Variants in ANKRD46 observed in about 807,000 individuals in gnomAD.
ANKRD46 encodes ankyrin repeat domain 46.
ANKRD46 carries 13 observed loss-of-function variants against 19.8 expected under a neutral mutation model. That is an observed-to-expected ratio of 0.66 (90% CI 0.43 to 1.04). The LOEUF is 1.04. Among genes scored for constraint, ANKRD46 ranks in the 50% least tolerant of loss-of-function variants. The probability of loss-of-function intolerance (pLI) is 0.00; values close to 1 mark genes in which losing one functional copy is unlikely to be tolerated. For missense variants in ANKRD46, 185 were observed against 274.8 expected (o/e 0.67, Z 2.31); for synonymous variants, 91 against 106.9 (o/e 0.85, Z 0.92).
rs1812005432 is a variant in ANKRD46 at position 100,533,558 on chromosome 8, A to G, written c.-130-247T>C. 7.2e-5 allele frequency among the ~76,000 whole-genome samples: 11 copies of G among 152,342 alleles called. No individual in the cohort carries two copies. The South Asian group carries it at 2.3e-3, about 32-fold the overall frequency. On this transcript the variant is annotated intron_variant, in intron 1 of 4. Transcript: ENST00000335659. ...GAAAGCAAGACAGAAAGATAAAAGA[A>G]TAAGAATCAAATTATGTGCCATCAC... is the stretch of plus-strand genomic sequence containing the variant.
At position 100,557,665 on chromosome 8, in the gene ANKRD46, C is replaced by T. The variant is rs193165340; in HGVS notation, c.-131+2046G>A. Reference sequence around the variant, plus strand: ...TGACCTTGTCTCACCCTCCTTCCCTCCAGGTGCTCAAATCTACTGGCCTCC... The same window carrying T: ...TGACCTTGTCTCACCCTCCTTCCCTTCAGGTGCTCAAATCTACTGGCCTCC... On this transcript the variant is annotated intron_variant, in intron 1 of 4. Transcript: ENST00000335659. This position sits in a 1 kb window ranked among gnomAD's most constrained non-coding sequence, Gnocchi z 5.9. Among the ~76,000 whole-genome samples the T allele has an allele frequency of 5.8e-4, 89 of 152,300 alleles. 1 individual carries two copies. Among genetic ancestry groups the T allele is most frequent in the Admixed American group, 2.6e-3 (40 of 15,296 alleles).
intron 5 of ANKRD46, among the ~76,000 whole-genome samples, chr8:100,515,219 G>A (rs1205400851): frequency 6.6e-6 from 1 of 152,134 alleles, no homozygotes; most frequent in African/African-American, 2.4e-5. Flanking sequence ...CGGACAATGA[G>A]CTTGAATATA....
At chr8:100,520,741 T>TAAAA (rs5893523), downstream of ANKRD46, 1,954 of 717,634 alleles carry the variant, frequency 2.7e-3, 2 homozygotes, top group African/African-American at 3.5e-3. Context: ...TATAATACAC[T>TAAAA]AAAAAAAAAA....
At position 100,527,992 on chromosome 8, in the gene ANKRD46, C is replaced by A. The variant is rs1811875787; in HGVS notation, c.323G>T (p.Gly108Val). The A allele has an allele frequency of 1.3e-6, 2 of 1,502,980 alleles. No individual in the cohort carries two copies. Among genetic ancestry groups the A allele is most frequent in the African/African-American group, 1.5e-5 (1 of 68,172 alleles). 93.1% of individuals were successfully genotyped at this position (1,502,980 alleles called of 1,614,324 possible). ...GLKIDICNHQGATPLVLAKRR... is the reference protein window; with the variant it reads ...GLKIDICNHQVATPLVLAKRR... ...CTTTGCCAGAACTAAAGGGGTAGCA[C>A]CTTGATGATTGCTAAAAAAAAAAAA... The change falls in exon 4 of 5, where the codon GGT (glycine) becomes GTT (valine). Residue 108 changes from glycine (G) to valine (V), a missense_variant. Coordinates refer to ENST00000335659, the MANE Select transcript of ANKRD46 (RefSeq NM_001270377.2). The surrounding 1 kb of genome is among the most constrained non-coding windows in gnomAD (Gnocchi z 4.0).
rs1195457911 is a variant in ANKRD46, at chr8:100,524,248, T to C, written c.471-1477A>G. ...ATTTAGATTAAAGCCACCATAACCA[T>C]GATCATAGGAATCAACTATCTACTG... On this transcript the variant is annotated intron_variant, in intron 4 of 4. Coordinates refer to ENST00000335659, the MANE Select transcript of ANKRD46 (RefSeq NM_001270377.2). The surrounding 1 kb of genome is among the most constrained non-coding windows in gnomAD (Gnocchi z 4.3). Among the ~76,000 whole-genome samples the C allele has an allele frequency of 1.3e-5, 2 of 152,232 alleles. No individual in the cohort carries two copies. The highest frequency in any genetic ancestry group is 2.9e-5 in the Non-Finnish European group (2 of 68,042).
rs974055189 is a variant in ANKRD46 at position 100,546,221 on chromosome 8, C to T, written c.-130-12910G>A. On this transcript the variant is annotated intron_variant, in intron 1 of 4. Coordinates refer to ENST00000335659, the MANE Select transcript of ANKRD46 (RefSeq NM_001270377.2). The surrounding 1 kb of genome is among the most constrained non-coding windows in gnomAD (Gnocchi z 4.0). Reference sequence around the variant, plus strand: ...GAAAATGGGAAAAATTTCCCCAAGGCATGTCAGAGATCTTCATGGCAGCCC... The same window carrying T: ...GAAAATGGGAAAAATTTCCCCAAGGTATGTCAGAGATCTTCATGGCAGCCC... 7.2e-5 allele frequency among the ~76,000 whole-genome samples: 11 copies of T among 152,230 alleles called. No individual in the cohort carries two copies. Among genetic ancestry groups the T allele is most frequent in the African/African-American group, 2.7e-4 (11 of 41,464 alleles).
At chr8:100,523,800 T>C (rs976534539) in intron 4 of ANKRD46, among the ~76,000 whole-genome samples, 2 of 152,148 alleles carry the variant, frequency 1.3e-5, no homozygotes, top group Non-Finnish European at 2.9e-5. Flanking sequence ...CATGCCACCA[T>C]GGCTGGCTAA....
rs1430964559 is a variant in ANKRD46 at position 100,522,776 on chromosome 8, GGAA to G, written c.471-8_471-6del. 5.0e-6 allele frequency: 8 copies of G among 1,611,662 alleles called. No individual in the cohort carries two copies. The highest frequency in any genetic ancestry group is 6.8e-6 in the Non-Finnish European group (8 of 1,178,910). On this transcript the variant is annotated splice_region_variant and splice_polypyrimidine_tract_variant and intron_variant, in intron 4 of 4. Transcript: ENST00000335659. Reference sequence around the variant, plus strand: ...AGTGAATGGCTTTCCATGGCACTGTGGAAGAAGAAAGAGCAAAAAGGGCATTAA... The same window carrying G: ...AGTGAATGGCTTTCCATGGCACTGTGGAAGAAAGAGCAAAAAGGGCATTAA...
chr8:100,541,694 C>A (rs764815152), intron 1 of ANKRD46, among the ~76,000 whole-genome samples: 9 of 152,206 alleles, frequency 5.9e-5, no homozygotes, highest in Non-Finnish European at 1.2e-4. Flanking sequence ...TGCTACCGCT[C>A]ATCCCCACAC....
chr8:100,533,105 A>C (rs987596362), intron 2 of ANKRD46, 104 bp downstream of exon 2: 1 of 152,216 alleles, frequency 6.6e-6, no homozygotes, highest in African/African-American at 2.4e-5. Context: ...TAATAAGCCC[A>C]ATGATAGTTA....
chr8:100,537,392 A>G lies in ANKRD46; in HGVS notation c.-130-4081T>C, dbSNP rs1005941133. On this transcript the variant is annotated intron_variant, in intron 1 of 4. Coordinates refer to ENST00000335659, the MANE Select transcript of ANKRD46 (RefSeq NM_001270377.2). This position sits in a 1 kb window ranked among gnomAD's most constrained non-coding sequence, Gnocchi z 4.2. ...TGCAAGGAAAAAACGACATAGCTGG[A>G]AAGATATTCTGTCAGATCTTATTGC... 6.6e-5 allele frequency among the ~76,000 whole-genome samples: 10 copies of G among 152,346 alleles called. No homozygotes were observed. In the South Asian group the frequency reaches 1.5e-3, roughly 22 times the overall value.
Position 100,544,830 on chromosome 8 carries a change from T to C in ANKRD46, c.-130-11519A>G, listed in dbSNP as rs1563489918. Among the ~76,000 whole-genome samples, 1 of 152,106 alleles carries C rather than the reference T, an allele frequency of 6.6e-6. No individual in the cohort carries two copies. The highest frequency in any genetic ancestry group is 1.5e-5 in the Non-Finnish European group (1 of 68,014). On this transcript the variant is annotated intron_variant, in intron 1 of 4. Coordinates refer to ENST00000335659, the MANE Select transcript of ANKRD46 (RefSeq NM_001270377.2). The surrounding 1 kb of genome is among the most constrained non-coding windows in gnomAD (Gnocchi z 4.4). ...TCTTATTCCACATCTTGGTAACAAG[T>C]AAAAGGATTTCTGCCTTGAATGGGG...
Position 100,544,139 on chromosome 8 carries a change from C to G in ANKRD46, c.-130-10828G>C, listed in dbSNP as rs1057180488. 2.0e-5 allele frequency among the ~76,000 whole-genome samples: 3 copies of G among 152,158 alleles called. No homozygotes were observed. Among genetic ancestry groups the G allele is most frequent in the Admixed American group, 6.5e-5 (1 of 15,278 alleles). ...TATTTCTCATTTATTCTCTCAATCT[C>G]TCCCTCACCCTCCTTTTGGCTACCC... is the stretch of plus-strand genomic sequence containing the variant. On this transcript the variant is annotated intron_variant, in intron 1 of 4. Coordinates refer to ENST00000335659, the MANE Select transcript of ANKRD46 (RefSeq NM_001270377.2). The surrounding 1 kb of genome is among the most constrained non-coding windows in gnomAD (Gnocchi z 4.4).
chr8:100,522,256 C>A lies in ANKRD46; in HGVS notation c.*299G>T, dbSNP rs188125907. On this transcript the variant is annotated 3_prime_UTR_variant, in exon 5 of 5. Transcript: ENST00000335659. ...TTTGATAGCAAGGACTTCCTAGCTT[C>A]TTCCTTTATCTTCCATTCTCTAGTC... 55 of 1,154,972 alleles carry A rather than the reference C, an allele frequency of 4.8e-5. No individual in the cohort carries two copies. The East Asian group carries it at 2.6e-3, about 54-fold the overall frequency. The allele number at this position is 1,154,972 out of a possible 1,614,324, so 71.5% of individuals were successfully genotyped here.
chr8:100,529,107 CTG>C lies in ANKRD46; in HGVS notation c.311+414_311+415del, dbSNP rs1410358913. On this transcript the variant is annotated intron_variant, in intron 3 of 4. Transcript: ENST00000335659. This position sits in a 1 kb window ranked among gnomAD's most constrained non-coding sequence, Gnocchi z 5.8. ...GTGACCTTTTCAAATCCTCTATAAA[CTG>C]TGTGAACTTTGTCCAATCCTTTTTT... 6.6e-6 allele frequency among the ~76,000 whole-genome samples: 1 copy of C among 152,210 alleles called. No homozygotes were observed. Among genetic ancestry groups the C allele is most frequent in the Non-Finnish European group, 1.5e-5 (1 of 68,034 alleles).
At chr8:100,542,658 T>C (rs1812197564) in intron 1 of ANKRD46, among the ~76,000 whole-genome samples, 1 of 152,074 alleles carries the variant, frequency 6.6e-6, no homozygotes, top group African/African-American at 2.4e-5. Context: ...AGTACATGCT[T>C]AGAAATGGCT....
At position 100,510,616 on chromosome 8, in the gene ANKRD46, G is replaced by T. The variant is rs758909453; in HGVS notation, c.660C>A (p.Ser220Arg). 2 of 1,535,382 alleles carry T rather than the reference G, an allele frequency of 1.3e-6. No individual in the cohort carries two copies. The highest frequency in any genetic ancestry group is 2.4e-5 in the South Asian group (2 of 84,000). Residue 220 changes from serine to arginine, a missense_variant, in exon 6 of 6, where the codon AGC becomes AGA. Coordinates refer to the ANKRD46 transcript ENST00000520552. The surrounding 1 kb of genome is among the most constrained non-coding windows in gnomAD (Gnocchi z 4.9). ...TTCGGCTTCTGTCTTGCCTTGCAAA[G>T]CTTCCAAGCCTCAGTGTCCTTCTCT...
In ANKRD46 at chr8:100,525,049, A is replaced by AT. The variant is rs1811816117; in HGVS notation, c.471-2279dup. On this transcript the variant is annotated intron_variant, in intron 4 of 4. Transcript: ENST00000335659. The surrounding 1 kb of genome is among the most constrained non-coding windows in gnomAD (Gnocchi z 4.4). ...GAGTTATATGGAGGAGTGGGGAAAT[A>AT]TTTTTCATTAACTTGATTTATAGTC... is the stretch of plus-strand genomic sequence containing the variant. Among the ~76,000 whole-genome samples the AT allele has an allele frequency of 6.6e-6, 1 of 152,098 alleles. No individual in the cohort carries two copies. The highest frequency in any genetic ancestry group is 2.4e-5 in the African/African-American group (1 of 41,416).
Position 100,543,556 on chromosome 8 carries a change from A to G in ANKRD46, c.-130-10245T>C, listed in dbSNP as rs1812216463. On this transcript the variant is annotated intron_variant, in intron 1 of 4. Transcript: ENST00000335659. This position sits in a 1 kb window ranked among gnomAD's most constrained non-coding sequence, Gnocchi z 4.2. ...AAACAAAGATAATTATGATTTAAAAATTATTCTTTAAAATGCTGTCAGAAG... is the reference window on the plus strand; with the variant it reads ...AAACAAAGATAATTATGATTTAAAAGTTATTCTTTAAAATGCTGTCAGAAG... Among the ~76,000 whole-genome samples the G allele has an allele frequency of 6.6e-6, 1 of 152,354 alleles. No individual in the cohort carries two copies. The highest frequency in any genetic ancestry group is 2.4e-5 in the African/African-American group (1 of 41,590).
Sources: allele counts gnomAD v4.1 joint callset (sites outside exome capture counted in the v4.1 genomes callset), GRCh38; gene constraint gnomAD v4.1.1; non-coding constraint Gnocchi (gnomAD v3.1); transcripts MANE v1.5; gene names NCBI Gene and HGNC (gene_info 2026-07-23, HGNC 2026-07-21).